SPINK4: variants seen among roughly 807,000 people sequenced by gnomAD.
The protein encoded by SPINK4 is serine peptidase inhibitor Kazal type 4, also known as serine protease inhibitor Kazal-type 4.
A neutral mutation model predicts 12.3 loss-of-function variants in SPINK4; 10 were observed. The ratio of observed to expected loss-of-function variants is 0.81; its 90% CI spans 0.50 to 1.37. The LOEUF (loss-of-function observed/expected upper bound fraction) is 1.37. SPINK4 is among the 40% of genes most tolerant of loss of function. The probability of loss-of-function intolerance (pLI) is 0.00; values close to 1 mark genes in which losing one functional copy is unlikely to be tolerated. For missense variants in SPINK4, 91 were observed against 109.0 expected, an observed-to-expected ratio of 0.84 and a Z score of 0.73; for synonymous variants, 37 against 40.2, an observed-to-expected ratio of 0.92 and a Z score of 0.30.
chr9:33,244,301 C>T (rs377376262), intron 1 of SPINK4, among the ~76,000 whole-genome samples: 102 of 152,330 alleles, frequency 6.7e-4, no homozygotes, highest in African/African-American at 2.3e-3. Context: ...AAAATCCTAC[C>T]TCTGCCTTAA....
At chr9:33,241,933 G>A (rs889898690) in intron 1 of SPINK4, among the ~76,000 whole-genome samples, 1 of 151,802 alleles carries the variant, frequency 6.6e-6, no homozygotes, top group South Asian at 2.1e-4. Context: ...AGGCTGGAGT[G>A]CAGTGGCACG....
At chr9:33,241,543 G>A (rs1317068394) in intron 1 of SPINK4, among the ~76,000 whole-genome samples, 1 of 152,202 alleles carries the variant, frequency 6.6e-6, no homozygotes, top group African/African-American at 2.4e-5. Flanking sequence ...ACAGACCTGG[G>A]CACAGGGGGA....
In SPINK4 at chr9:33,245,145, C is replaced by G. The variant is rs1313852336; in HGVS notation, c.95C>G (p.Ser32Ter). The change falls in exon 2 of 4, where the codon TCA becomes TGA. Residue 32 changes from serine to a stop codon, truncating the protein, a stop_gained. Transcript: ENST00000379721. LOFTEE classifies it high-confidence loss of function. ...VPVAAGKLPF[S>*]RMPICEHMVE... ...GTGGCAGCAGGAAAGCTCCCTTTCT[C>G]AAGAATGGTAAGGCAGCTGCGTGTT... 17 of 1,613,728 alleles carry G rather than the reference C, an allele frequency of 1.1e-5. No homozygotes were observed. The highest frequency in any genetic ancestry group is 1.4e-5 in the Non-Finnish European group (17 of 1,179,842).
At chr9:33,242,737 G>A (rs984319754) in intron 1 of SPINK4, among the ~76,000 whole-genome samples, 5 of 152,210 alleles carry the variant, frequency 3.3e-5, no homozygotes, top group East Asian at 3.9e-4. Flanking sequence ...GTATACACTC[G>A]TGTAACCCAA....
intron 1 of SPINK4, among the ~76,000 whole-genome samples, chr9:33,241,393 T>C (rs1820232893): frequency 1.3e-5 from 2 of 152,126 alleles, no homozygotes; most frequent in South Asian, 2.1e-4. Context: ...GGTTGGTACA[T>C]TGAGAATAAA....
chr9:33,241,844 C>T (rs1231013400), intron 1 of SPINK4, among the ~76,000 whole-genome samples: 2 of 152,036 alleles, frequency 1.3e-5, no homozygotes, highest in Non-Finnish European at 2.9e-5. Context: ...TGAACACCCC[C>T]TCCTCCCAAT....
At chr9:33,241,020 T>A (rs76220841) in intron 1 of SPINK4, among the ~76,000 whole-genome samples, 87 of 152,318 alleles carry the variant, frequency 5.7e-4, no homozygotes, top group African/African-American at 1.9e-3. Flanking sequence ...TGATGGGCAC[T>A]GGAAGGGGGT....
chr9:33,246,754 T>A, intron 3 of SPINK4, 26 bp downstream of exon 3: 1 of 1,595,392 alleles, frequency 6.3e-7, no homozygotes, highest in Non-Finnish European at 8.6e-7. Flanking sequence ...AACCCCTGCT[T>A]GCTTGGGTGG....
intron 1 of SPINK4, among the ~76,000 whole-genome samples, chr9:33,242,981 T>A (rs1211362565): frequency 6.6e-6 from 1 of 151,852 alleles, no homozygotes; most frequent in Non-Finnish European, 1.5e-5. Flanking sequence ...ATTCAAACGA[T>A]CCTCCTATCT....
At chr9:33,242,767 A>C (rs1335062381) in intron 1 of SPINK4, among the ~76,000 whole-genome samples, 1 of 152,136 alleles carries the variant, frequency 6.6e-6, no homozygotes, top group Non-Finnish European at 1.5e-5. Context: ...AAGATACAGG[A>C]CCTCTTGAGA....
intron 3 of SPINK4, 145 bp downstream of exon 3, chr9:33,246,873 G>C (rs1054632602): frequency 3.5e-5 from 23 of 657,616 alleles, no homozygotes; most frequent in Non-Finnish European, 4.8e-5. Flanking sequence ...AATAGAATGA[G>C]TGCCAGATTA....
intron 1 of SPINK4, among the ~76,000 whole-genome samples, chr9:33,243,332 C>T (rs1820257609): frequency 6.6e-6 from 1 of 152,146 alleles, no homozygotes; most frequent in South Asian, 2.1e-4. Flanking sequence ...CTCAGCTTCC[C>T]AAAGCGCTGG....
In SPINK4 at chr9:33,248,523, G is replaced by A; in HGVS notation, c.*52G>A. 1.2e-6 allele frequency: 2 copies of A among 1,600,720 alleles called. No homozygotes were observed. The highest frequency in any genetic ancestry group is 1.7e-6 in the Non-Finnish European group (2 of 1,169,508). ...AGTGTCAGCTGGAGAACAGTGGTGG[G>A]CATGGAGAGGATATGACATGAAATA... On this transcript the variant is annotated 3_prime_UTR_variant, in exon 4 of 4. Coordinates refer to ENST00000379721, the MANE Select transcript of SPINK4 (RefSeq NM_014471.3).
intron 1 of SPINK4, among the ~76,000 whole-genome samples, chr9:33,240,633 T>C (rs1436404159): frequency 1.3e-5 from 2 of 152,182 alleles, no homozygotes; most frequent in African/African-American, 2.4e-5. Flanking sequence ...ACAAGTATGC[T>C]GGGTGCAGGG....
chr9:33,244,384 T>C (rs556319893), intron 1 of SPINK4, among the ~76,000 whole-genome samples: 1 of 152,300 alleles, frequency 6.6e-6, no homozygotes, highest in Admixed American at 6.5e-5. Flanking sequence ...AGGAAACAGA[T>C]TCTGAGCTAT....
rs555445 is a variant in SPINK4 at position 33,240,167 on chromosome 9, G to T, written c.-42G>T. 6.5e-7 allele frequency: 1 copy of T among 1,549,440 alleles called. No homozygotes were observed. The highest frequency in any genetic ancestry group is 1.2e-5 in the South Asian group (1 of 82,472). ...AATAGGCCCCCATCCTTCCTCAGGC[G>T]CAGGCCCCAGCCAGCTCAGGCTACA... On this transcript the variant is annotated 5_prime_UTR_variant, in exon 1 of 4. Coordinates refer to ENST00000379721, the MANE Select transcript of SPINK4 (RefSeq NM_014471.3).
intron 1 of SPINK4, among the ~76,000 whole-genome samples, chr9:33,244,660 G>T (rs1820268810): frequency 6.6e-6 from 1 of 152,170 alleles, no homozygotes; most frequent in South Asian, 2.1e-4. Context: ...TCTGGCAGCA[G>T]GGGAAATGAG....
At chr9:33,248,311 C>T in intron 3 of SPINK4, 115 bp from the exon 4 acceptor site, 1 of 1,026,366 alleles carries the variant, frequency 9.7e-7, no homozygotes, top group Non-Finnish European at 1.5e-6. Context: ...TGTATCCATA[C>T]ACTGCATATG....
chr9:33,243,814 G>A (rs896608445), intron 1 of SPINK4, among the ~76,000 whole-genome samples: 5 of 152,090 alleles, frequency 3.3e-5, no homozygotes, highest in African/African-American at 1.2e-4. Flanking sequence ...CTAAGTTTCT[G>A]TTTCCCTCTC....
Sources: gnomAD v4.1 joint callset for allele counts (sites outside exome capture counted in the v4.1 genomes callset) on GRCh38, gnomAD v4.1.1 for gene constraint, MANE v1.5 for transcripts, NCBI Gene and HGNC (gene_info 2026-07-23, HGNC 2026-07-21) for gene names.